The following IGBP1C variants were observed in gnomAD, a reference collection of about 807,000 sequenced individuals.
The protein encoded by IGBP1C is immunoglobulin-binding protein 1 family member C.
At chr17:58,671,160 C>T in the IGBP1C span, among the ~76,000 whole-genome samples, 1 of 152,118 alleles carries the variant, frequency 6.6e-6, no homozygotes, top group African/African-American at 2.4e-5. Context: ...CTAATTCTGT[C>T]TTTGGCAGTG....
the IGBP1C span, chr17:58,661,556 G>C: frequency 1.3e-6 from 1 of 751,156 alleles, no homozygotes; most frequent in Non-Finnish European, 2.5e-6. Context: ...GAACAGCTCG[G>C]GGAGCCGCGG....
chr17:58,688,232 T>C, the IGBP1C span, among the ~76,000 whole-genome samples: 1 of 152,100 alleles, frequency 6.6e-6, no homozygotes, highest in Non-Finnish European at 1.5e-5. Flanking sequence ...GCAATTCTCC[T>C]GCCTCAGCCT....
the IGBP1C span, among the ~76,000 whole-genome samples, chr17:58,666,008 C>CCA: frequency 2.0e-5 from 3 of 150,830 alleles, no homozygotes; most frequent in Admixed American, 1.3e-4. Context: ...GAGATTGTGC[C>CCA]ACTCAACTCC....
At chr17:58,665,758 AAAT>A in the IGBP1C span, among the ~76,000 whole-genome samples, 1 of 151,670 alleles carries the variant, frequency 6.6e-6, no homozygotes, top group Non-Finnish European at 1.5e-5. Flanking sequence ...TGAAAAAAAA[AAAT>A]AAGGCTGGGC....
At chr17:58,662,678 C>G in the IGBP1C span, among the ~76,000 whole-genome samples, 2 of 152,142 alleles carry the variant, frequency 1.3e-5, no homozygotes, top group African/African-American at 2.4e-5. Flanking sequence ...CTCACCTCAT[C>G]TCTGAATTTC....
chr17:58,672,038 T>C, the IGBP1C span, among the ~76,000 whole-genome samples: 1 of 152,116 alleles, frequency 6.6e-6, no homozygotes, highest in Non-Finnish European at 1.5e-5. Context: ...TGGGAATGGT[T>C]TCAGGATGAA....
chr17:58,673,833 C>T, the IGBP1C span, among the ~76,000 whole-genome samples: 1 of 152,224 alleles, frequency 6.6e-6, no homozygotes, highest in South Asian at 2.1e-4. Context: ...CTCCCAAAGT[C>T]CTGGGATTAT....
the IGBP1C span, among the ~76,000 whole-genome samples, chr17:58,671,007 C>T: frequency 2.0e-5 from 3 of 152,048 alleles, no homozygotes; most frequent in Non-Finnish European, 1.5e-5. Context: ...CCAAATATTG[C>T]TTCCACTCCA....
chr17:58,671,545 C>T, the IGBP1C span, among the ~76,000 whole-genome samples: 2 of 152,094 alleles, frequency 1.3e-5, no homozygotes, highest in African/African-American at 4.8e-5. Context: ...CTAGTCAGAC[C>T]TCCCACCCAG....
At chr17:58,684,568 G>C in the IGBP1C span, among the ~76,000 whole-genome samples, 4 of 151,928 alleles carry the variant, frequency 2.6e-5, no homozygotes, top group African/African-American at 9.7e-5. Flanking sequence ...CAGGGAGGCA[G>C]TGGTGGCAGT....
At chr17:58,684,180 CG>C in the IGBP1C span, among the ~76,000 whole-genome samples, 1 of 150,596 alleles carries the variant, frequency 6.6e-6, no homozygotes, top group African/African-American at 2.4e-5. Flanking sequence ...TGCTTCCGCC[CG>C]GCATGGTGAC....
the IGBP1C span, among the ~76,000 whole-genome samples, chr17:58,681,720 G>T: frequency 6.6e-6 from 1 of 151,964 alleles, no homozygotes; most frequent in African/African-American, 2.4e-5. Context: ...GTGTGCATCT[G>T]TAATCCCAGC....
the IGBP1C span, among the ~76,000 whole-genome samples, chr17:58,667,634 C>G: frequency 2.0e-5 from 3 of 152,262 alleles, no homozygotes; most frequent in Non-Finnish European, 2.9e-5. Flanking sequence ...CCTGTAATCC[C>G]AACACTTTGG....
the IGBP1C span, among the ~76,000 whole-genome samples, chr17:58,673,678 C>T: frequency 1.3e-5 from 2 of 151,898 alleles, no homozygotes; most frequent in African/African-American, 4.8e-5. Context: ...CCTCCCACCT[C>T]ACCCTCCCGA....
At chr17:58,685,367 T>G in the IGBP1C span, among the ~76,000 whole-genome samples, 1 of 139,676 alleles carries the variant, frequency 7.2e-6, no homozygotes, top group African/African-American at 2.7e-5. Context: ...ACGTGGGAGG[T>G]GGAGGTTGCA....
chr17:58,682,416 C>G, the IGBP1C span, among the ~76,000 whole-genome samples: 180 of 152,166 alleles, frequency 1.2e-3, no homozygotes, highest in African/African-American at 4.3e-3. Flanking sequence ...TGCCACCATG[C>G]CCGGCTAGTT....
the IGBP1C span, among the ~76,000 whole-genome samples, chr17:58,666,214 A>G: frequency 1.3e-5 from 2 of 151,840 alleles, no homozygotes; most frequent in Non-Finnish European, 2.9e-5. Flanking sequence ...ATGGTGGTGC[A>G]TGCCTGTAAT....
the IGBP1C span, among the ~76,000 whole-genome samples, chr17:58,673,398 G>A: frequency 5.9e-5 from 9 of 151,492 alleles, no homozygotes; most frequent in Non-Finnish European, 1.2e-4. Flanking sequence ...CAGGAAAATC[G>A]GTTGAACCCA....
chr17:58,676,751 C>T, the IGBP1C span, among the ~76,000 whole-genome samples: 6 of 152,066 alleles, frequency 3.9e-5, no homozygotes, highest in East Asian at 1.9e-4. Flanking sequence ...CTTGAGAGGC[C>T]GAGGTGGGAG....
Sources: gnomAD v4.1 joint callset for allele counts (sites outside exome capture counted in the v4.1 genomes callset) on GRCh38, gnomAD v4.1.1 for gene constraint, MANE v1.5 for transcripts, NCBI Gene and HGNC (gene_info 2026-07-23, HGNC 2026-07-21) for gene names.